The following MAP1B variants were observed in gnomAD, a reference collection of about 807,000 sequenced individuals.
The protein encoded by MAP1B is microtubule associated protein 1B, also known as microtubule-associated protein 1B.
MAP1B carries 12 observed loss-of-function variants against 176.1 expected under a neutral mutation model. That is an observed-to-expected ratio of 0.07 (90% CI 0.04 to 0.11). The LOEUF (loss-of-function observed/expected upper bound fraction) is 0.11. Among genes scored for constraint, MAP1B ranks in the 10% least tolerant of loss-of-function variants. The pLI is 1.00. For missense variants in MAP1B, 2,523 were observed against 2,990.5 expected (o/e 0.84, Z 3.65); for synonymous variants, 1,044 against 1,135.0 (o/e 0.92, Z 1.61).
At position 72,194,475 on chromosome 5, in the gene MAP1B, A is replaced by T; in HGVS notation, c.1120A>T (p.Met374Leu). The T allele has an allele frequency of 6.2e-7, 1 of 1,614,064 alleles. No individual in the cohort carries two copies. Among genetic ancestry groups the T allele is most frequent in the East Asian group, 2.2e-5 (1 of 44,882 alleles). Residue 374 changes from methionine (M) to leucine (L), a missense_variant, in exon 5 of 7, where the codon ATG becomes TTG. By Grantham distance (15) the Met-to-Leu change is conservative. Transcript: ENST00000296755. The surrounding 1 kb of genome is among the most constrained non-coding windows in gnomAD (Gnocchi z 7.2). ...NLKNPEPNIK[M>L]KRSIEEACFT... ...CAAAAATCCAGAGCCAAACATCAAG[A>T]TGAAGAGAAGCATAGAAGAAGCCTG... is the stretch of plus-strand genomic sequence containing the variant.
chr5:72,164,859 G>T (rs1448453743), intron 2 of MAP1B, among the ~76,000 whole-genome samples: 1 of 152,168 alleles, frequency 6.6e-6, no homozygotes, highest in Non-Finnish European at 1.5e-5. Flanking sequence ...ATATTTATTT[G>T]TTAGGGGGTT....
At chr5:72,144,229 G>A (rs1746004418) in intron 2 of MAP1B, among the ~76,000 whole-genome samples, 1 of 152,092 alleles carries the variant, frequency 6.6e-6, no homozygotes, top group South Asian at 2.1e-4. Flanking sequence ...CACTAAGCTT[G>A]TTAGACCTCC....
chr5:72,132,710 G>A (rs1745756105), intron 2 of MAP1B, among the ~76,000 whole-genome samples: 1 of 152,078 alleles, frequency 6.6e-6, no homozygotes, highest in Non-Finnish European at 1.5e-5. Flanking sequence ...TTTCATAGTG[G>A]CAACGTCTGC....
chr5:72,130,103 T>C (rs1361385198), intron 2 of MAP1B, among the ~76,000 whole-genome samples: 1 of 150,772 alleles, frequency 6.6e-6, no homozygotes, highest in African/African-American at 2.4e-5. Context: ...TGAAGCTAGT[T>C]ACAAATAAAA....
At chr5:72,136,586 A>G (rs765113487) in intron 2 of MAP1B, among the ~76,000 whole-genome samples, 6 of 152,140 alleles carry the variant, frequency 3.9e-5, no homozygotes. Context: ...AAAGGGGGAC[A>G]TTCTCAGTTG....
In MAP1B at chr5:72,195,463, A is replaced by G; in HGVS notation, c.2108A>G (p.Glu703Gly). 1 of 1,587,906 alleles carries G rather than the reference A, an allele frequency of 6.3e-7. No homozygotes were observed. The highest frequency in any genetic ancestry group is 8.5e-7 in the Non-Finnish European group (1 of 1,170,484). ...GAACCCAAGAAAGAGGTTAAGAAAG[A>G]AACACCGCCAAAGGAAGTCAAGAAG... ...KKEPKKEVKK[E>G]TPPKEVKKEV... The change falls in exon 5 of 7, where the codon GAA becomes GGA. Residue 703 changes from glutamate (E) to glycine (G), a missense_variant. Glu to Gly is a moderately conservative substitution (Grantham distance 98, BLOSUM62 -2). Coordinates refer to ENST00000296755, the MANE Select transcript of MAP1B (RefSeq NM_005909.5).
chr5:72,154,899 C>G (rs371477686), intron 2 of MAP1B, among the ~76,000 whole-genome samples: 20 of 152,168 alleles, frequency 1.3e-4, no homozygotes, highest in African/African-American at 4.1e-4. Context: ...ATCTGGGGAA[C>G]TTTTACCCTG....
intron 2 of MAP1B, among the ~76,000 whole-genome samples, chr5:72,136,739 C>A (rs1745843480): frequency 6.6e-6 from 1 of 152,106 alleles, no homozygotes; most frequent in Non-Finnish European, 1.5e-5. Context: ...TGTTTTGTAT[C>A]CTCTTCTGAT....
intron 2 of MAP1B, among the ~76,000 whole-genome samples, chr5:72,164,882 A>G (rs978222046): frequency 6.6e-6 from 1 of 152,190 alleles, no homozygotes; most frequent in Non-Finnish European, 1.5e-5. Context: ...ATCTCTATTC[A>G]TAGGTGATAT....
In MAP1B at chr5:72,197,862, A is replaced by G; in HGVS notation, c.4507A>G (p.Thr1503Ala). Reference protein sequence around the residue: ...DERKLGDVSPTQIDVSQFGSF... With the variant: ...DERKLGDVSPAQIDVSQFGSF... ...AAGGAAATTAGGAGATGTTTCTCCC[A>G]CACAAATAGATGTCAGTCAGTTTGG... The change falls in exon 5 of 7, where the codon ACA becomes GCA. Residue 1503 changes from threonine to alanine, a missense_variant. Physicochemically the swap from Thr to Ala is moderately conservative, Grantham distance 58. Around this residue, in one of 4 missense-constraint regions of MAP1B, gnomAD observed 1,925 missense variants for 2,126.0 expected, o/e 0.91. Transcript: ENST00000296755. The G allele has an allele frequency of 3.1e-6, 5 of 1,614,236 alleles. No individual in the cohort carries two copies. The highest frequency in any genetic ancestry group is 4.2e-6 in the Non-Finnish European group (5 of 1,180,034).
chr5:72,167,718 A>G (rs1648326864), intron 2 of MAP1B, among the ~76,000 whole-genome samples: 1 of 152,246 alleles, frequency 6.6e-6, no homozygotes, highest in African/African-American at 2.4e-5. Flanking sequence ...AATATATTTT[A>G]CTTTGTCATT....
rs1241717943 is a variant in MAP1B, at chr5:72,183,843, T to C, written c.369+18T>C. 2.1e-5 allele frequency: 34 copies of C among 1,610,986 alleles called. No individual in the cohort carries two copies. The Admixed American group carries it at 5.7e-4, about 27-fold the overall frequency. Reference sequence around the variant, plus strand: ...GCACCGAGGTAAGCATTCAGCTCTGTAGAATCTGGGGCCGGGCCCCACACA... The same window carrying C: ...GCACCGAGGTAAGCATTCAGCTCTGCAGAATCTGGGGCCGGGCCCCACACA... On this transcript the variant is annotated intron_variant, in intron 3 of 6. Transcript: ENST00000296755.
chr5:72,189,930 C>G (rs894033644), intron 4 of MAP1B, among the ~76,000 whole-genome samples: 2 of 152,036 alleles, frequency 1.3e-5, no homozygotes, highest in Non-Finnish European at 2.9e-5. Flanking sequence ...CATGATGTGA[C>G]CTAGAGTGAG....
chr5:72,112,681 C>T (rs1745364608), intron 1 of MAP1B, among the ~76,000 whole-genome samples: 1 of 152,190 alleles, frequency 6.6e-6, no homozygotes, highest in African/African-American at 2.4e-5. Flanking sequence ...AGAGCAGGCC[C>T]AGATTGTTCT....
At chr5:72,109,200 T>C (rs1177475716) in intron 1 of MAP1B, among the ~76,000 whole-genome samples, 1 of 152,028 alleles carries the variant, frequency 6.6e-6, no homozygotes, top group Non-Finnish European at 1.5e-5. Context: ...GGTTCTTTTG[T>C]TTAACTTTAA....
chr5:72,129,063 A>AT (rs918294467), intron 2 of MAP1B, among the ~76,000 whole-genome samples: 23 of 152,212 alleles, frequency 1.5e-4, no homozygotes, highest in African/African-American at 4.6e-4. Context: ...GAGAAGTGAG[A>AT]TTTTTTTTAA....
At chr5:72,178,615 G>T (rs1416698141) in intron 2 of MAP1B, among the ~76,000 whole-genome samples, 1 of 152,094 alleles carries the variant, frequency 6.6e-6, no homozygotes, top group Non-Finnish European at 1.5e-5. Flanking sequence ...AATAGTTCAG[G>T]ACCCTCCTCA....
rs1190319852 is a variant in MAP1B at position 72,195,904 on chromosome 5, T to C, written c.2549T>C (p.Val850Ala). The change falls in exon 5 of 7, where the codon GTA becomes GCA. Residue 850 changes from valine to alanine, a missense_variant. Physicochemically the swap from Val to Ala is moderately conservative, Grantham distance 64. Around this residue, in one of 4 missense-constraint regions of MAP1B, gnomAD observed 1,925 missense variants for 2,126.0 expected, o/e 0.91. Coordinates refer to ENST00000296755, the MANE Select transcript of MAP1B (RefSeq NM_005909.5). ...FEELKAEEVDVTKDIKPQLEL... is the reference protein window; with the variant it reads ...FEELKAEEVDATKDIKPQLEL... ...GAGTTAAAGGCTGAAGAGGTCGATGTAACAAAGGACATCAAGCCTCAGCTG... is the reference window on the plus strand; with the variant it reads ...GAGTTAAAGGCTGAAGAGGTCGATGCAACAAAGGACATCAAGCCTCAGCTG... 6.2e-7 allele frequency: 1 copy of C among 1,614,182 alleles called. No individual in the cohort carries two copies. Among genetic ancestry groups the C allele is most frequent in the East Asian group, 2.2e-5 (1 of 44,882 alleles).
At chr5:72,161,665 A>C (rs1330849379) in intron 2 of MAP1B, among the ~76,000 whole-genome samples, 1 of 152,166 alleles carries the variant, frequency 6.6e-6, no homozygotes, top group Admixed American at 6.5e-5. Flanking sequence ...TGTTGAAAAA[A>C]AGCAGAGCTG....
Sources: gnomAD v4.1 joint callset for allele counts (sites outside exome capture counted in the v4.1 genomes callset) on GRCh38, gnomAD v4.1.1 for gene constraint, gnomAD v4.1.1 regional missense constraint, Gnocchi (gnomAD v3.1) non-coding constraint, MANE v1.5 for transcripts, NCBI Gene and HGNC (gene_info 2026-07-23, HGNC 2026-07-21) for gene names.